COL5A2: variants seen among roughly 807,000 people sequenced by gnomAD.
The protein encoded by COL5A2 is collagen alpha-2(V) chain.
In COL5A2, 23 loss-of-function variants were observed where a neutral mutation model predicts 208.2. That is an observed-to-expected ratio of 0.11 (90% confidence interval 0.08 to 0.16). The LOEUF is 0.16. Among genes scored for constraint, COL5A2 ranks in the 10% least tolerant of loss-of-function variants. The probability of loss-of-function intolerance (pLI) is 1.00; values close to 1 mark genes in which losing one functional copy is unlikely to be tolerated. For synonymous variants in COL5A2, 625 were observed against 628.5 expected (o/e 0.99, Z 0.08); for missense variants, 1,590 against 1,956.4 (o/e 0.81, Z 3.53).
chr2:189,034,837 T>C, intron 53 of COL5A2, 79 bp downstream of exon 53: 1 of 1,570,826 alleles, frequency 6.4e-7, no homozygotes, highest in African/African-American at 1.3e-5. Flanking sequence ...TTGCCCCCAG[T>C]TCTAGTGCTG....
chr2:189,038,763 C>T (rs763404080), intron 51 of COL5A2, among the ~76,000 whole-genome samples: 15 of 152,154 alleles, frequency 9.9e-5, no homozygotes, highest in Non-Finnish European at 1.8e-4. Context: ...GATCTCAACT[C>T]ACTGCAAGCT....
At chr2:189,295,016 C>T in the COL5A2 span, among the ~76,000 whole-genome samples, 1 of 152,088 alleles carries the variant, frequency 6.6e-6, no homozygotes, top group South Asian at 2.1e-4. Context: ...GCTTTATTGC[C>T]CAGACTGGTT....
intron 30 of COL5A2, 42 bp from the exon 31 acceptor site, chr2:189,060,825 GT>G: frequency 7.0e-7 from 1 of 1,432,278 alleles, no homozygotes; most frequent in South Asian, 1.1e-5. Context: ...ATCTGTGTAA[GT>G]TTAACAGGCT....
rs192537606 is a variant in COL5A2 at position 189,042,381 on chromosome 2, G to C, written c.3525+339C>G. Among the ~76,000 whole-genome samples, 971 of 152,198 alleles carry C rather than the reference G, an allele frequency of 6.4e-3. 9 individuals carry two copies. The highest frequency in any genetic ancestry group is 0.022 in the African/African-American group (919 of 41,538). ...CAAAATATATTTAGCTTCAAAATCTGTCTCCACTTCATAGTAAATGCTATT... is the reference window on the plus strand; with the variant it reads ...CAAAATATATTTAGCTTCAAAATCTCTCTCCACTTCATAGTAAATGCTATT... On this transcript the variant is annotated intron_variant, in intron 49 of 53. Coordinates refer to ENST00000374866, the MANE Select transcript of COL5A2 (RefSeq NM_000393.5).
At chr2:189,353,672 C>T in the COL5A2 span, among the ~76,000 whole-genome samples, 8 of 152,230 alleles carry the variant, frequency 5.3e-5, no homozygotes, top group East Asian at 1.5e-3. Flanking sequence ...TGCTTATCAG[C>T]TTAAGGAGAT....
Position 189,057,005 on chromosome 2 carries a change from C to T in COL5A2, c.2359G>A (p.Ala787Thr). The change falls in exon 35 of 54, where the codon GCT (alanine) becomes ACT (threonine). Residue 787 changes from alanine (A) to threonine (T), a missense_variant. By Grantham distance (58) the Ala-to-Thr change is moderately conservative. Coordinates refer to ENST00000374866, the MANE Select transcript of COL5A2 (RefSeq NM_000393.5). The part of the protein sequence containing the change: ...GDRGGIGEKG[A>T]EGTAGNDGAR... ...CCATCATTTCCAGCTGTGCCTTCAG[C>T]ACCTTTTTCTCCTATGCCACCCTGG... The T allele has an allele frequency of 6.2e-7, 1 of 1,614,078 alleles. No homozygotes were observed. Among genetic ancestry groups the T allele is most frequent in the Middle Eastern group, 1.6e-4 (1 of 6,062 alleles).
chr2:189,357,852 A>G, the COL5A2 span, among the ~76,000 whole-genome samples: 5,531 of 151,470 alleles, frequency 0.037, 119 homozygotes, highest in Admixed American at 0.05. Context: ...CCCTGGTGGC[A>G]TAGGCACCAG....
intron 1 of COL5A2, among the ~76,000 whole-genome samples, chr2:189,136,317 G>A (rs2105763424): frequency 6.6e-6 from 1 of 151,172 alleles, no homozygotes; most frequent in East Asian, 1.9e-4. Flanking sequence ...AAATACCTGA[G>A]TACAAATTTA....
intron 50 of COL5A2, among the ~76,000 whole-genome samples, chr2:189,041,381 G>A (rs1009038711): frequency 1.3e-5 from 2 of 152,060 alleles, no homozygotes; most frequent in Non-Finnish European, 2.9e-5. Context: ...GTTAATGTCT[G>A]GGTAGGTTGG....
At chr2:189,037,617 T>C (rs1685470371) in intron 51 of COL5A2, among the ~76,000 whole-genome samples, 1 of 152,186 alleles carries the variant, frequency 6.6e-6, no homozygotes, top group Non-Finnish European at 1.5e-5. Flanking sequence ...CTCTAGGTCA[T>C]ATTGGATTAA....
At chr2:189,066,362 A>C in intron 23 of COL5A2, 28 bp downstream of exon 23, 1 of 1,558,302 alleles carries the variant, frequency 6.4e-7, no homozygotes, top group Non-Finnish European at 8.9e-7. Context: ...TCACAACTGT[A>C]AGAATGTGTT....
chr2:189,169,784 T>C (rs536496782), intron 1 of COL5A2, among the ~76,000 whole-genome samples: 57 of 152,356 alleles, frequency 3.7e-4, no homozygotes, highest in Non-Finnish European at 6.2e-4. Context: ...CGATCTCAGC[T>C]CACTGCAACC....
intron 1 of COL5A2, among the ~76,000 whole-genome samples, chr2:189,205,477 A>G (rs1188775406): frequency 6.6e-6 from 1 of 152,194 alleles, no homozygotes; most frequent in African/African-American, 2.4e-5. Context: ...GGCCACTTCT[A>G]GTTTTCAGCA....
chr2:189,252,352 G>A, the COL5A2 span, among the ~76,000 whole-genome samples: 2 of 152,248 alleles, frequency 1.3e-5, no homozygotes, highest in South Asian at 4.1e-4. Flanking sequence ...GCAAAGACTT[G>A]GAACCAATCC....
At chr2:189,182,484 T>C (rs1688794267), upstream of COL5A2, among the ~76,000 whole-genome samples, 1 of 152,154 alleles carries the variant, frequency 6.6e-6, no homozygotes, top group African/African-American at 2.4e-5. Context: ...TTTTTAGCTC[T>C]TTTTAGACCT....
chr2:189,396,782 G>A, the COL5A2 span, among the ~76,000 whole-genome samples: 1 of 151,608 alleles, frequency 6.6e-6, no homozygotes, highest in African/African-American at 2.4e-5. Flanking sequence ...CACCTGAGGG[G>A]AGGAGTTTGA....
intron 49 of COL5A2, 53 bp from the exon 50 acceptor site, chr2:189,041,746 T>C: frequency 2.6e-6 from 3 of 1,149,190 alleles, no homozygotes; most frequent in South Asian, 1.2e-5. Context: ...AATTTTACAA[T>C]GCCTTTCTCT....
At chr2:189,115,334 A>G (rs1470616552) in intron 1 of COL5A2, among the ~76,000 whole-genome samples, 1 of 152,144 alleles carries the variant, frequency 6.6e-6, no homozygotes, top group Non-Finnish European at 1.5e-5. Flanking sequence ...AAACTAAATT[A>G]TCACAATTGC....
At chr2:189,203,362 G>C (rs2105859446) in intron 1 of COL5A2, among the ~76,000 whole-genome samples, 1 of 152,312 alleles carries the variant, frequency 6.6e-6, no homozygotes, top group South Asian at 2.1e-4. Context: ...TAGAATTACA[G>C]GGAGCAGACC....
Sources: allele counts gnomAD v4.1 joint callset (sites outside exome capture counted in the v4.1 genomes callset), GRCh38; gene constraint gnomAD v4.1.1; transcripts MANE v1.5; gene names NCBI Gene and HGNC (gene_info 2026-07-23, HGNC 2026-07-21).